The following SPATS2L variants were observed in gnomAD, a reference collection of about 807,000 sequenced individuals.
SPATS2L encodes the protein SPATS2-like protein.
Under a neutral mutation model 59.6 loss-of-function variants are expected in SPATS2L, and 30 were observed. The ratio of observed to expected loss-of-function variants is 0.50; its 90% confidence interval spans 0.38 to 0.68. The LOEUF is 0.68. Ranked by LOEUF, SPATS2L falls within the 30% of genes least tolerant of loss-of-function variation. SPATS2L has a pLI of 0.00. For missense variants in SPATS2L, 615 were observed against 700.0 expected (o/e 0.88, Z 1.37); for synonymous variants, 252 against 263.5 (o/e 0.96, Z 0.42).
At chr2:200,347,593 C>T (rs537893435) in intron 2 of SPATS2L, among the ~76,000 whole-genome samples, 4 of 152,236 alleles carry the variant, frequency 2.6e-5, no homozygotes, top group South Asian at 2.1e-4. Flanking sequence ...TACAATGTGC[C>T]GATGGATCCA....
chr2:200,314,470 C>T (rs1162125080), intron 1 of SPATS2L, among the ~76,000 whole-genome samples: 1 of 150,698 alleles, frequency 6.6e-6, no homozygotes, highest in Non-Finnish European at 1.5e-5. Flanking sequence ...CCTCATACTG[C>T]TGCCTTTCTA....
intron 1 of SPATS2L, among the ~76,000 whole-genome samples, chr2:200,328,894 CT>C (rs1474812299): frequency 1.3e-5 from 2 of 152,160 alleles, no homozygotes; most frequent in Non-Finnish European, 2.9e-5. Context: ...AGAACAATAG[CT>C]AACATTAAAT....
chr2:200,358,743 T>C (rs975693920), intron 2 of SPATS2L, among the ~76,000 whole-genome samples: 1 of 152,132 alleles, frequency 6.6e-6, no homozygotes, highest in Non-Finnish European at 1.5e-5. Context: ...ATCCCAGCAC[T>C]TTGGGAGGTC....
intron 2 of SPATS2L, among the ~76,000 whole-genome samples, chr2:200,344,922 G>A (rs953286666): frequency 5.9e-5 from 9 of 151,752 alleles, no homozygotes; most frequent in African/African-American, 2.2e-4. Flanking sequence ...GGGCTGTTTT[G>A]TTCTTGTAAA....
At chr2:200,407,773 A>C (rs1559105123) in intron 3 of SPATS2L, among the ~76,000 whole-genome samples, 1 of 152,200 alleles carries the variant, frequency 6.6e-6, no homozygotes, top group African/African-American at 2.4e-5. Context: ...TAATGACATC[A>C]ATCAAGTGAG....
In SPATS2L at chr2:200,314,762, G is replaced by T. The variant is rs1473497771; in HGVS notation, c.-73+7840G>T. Among the ~76,000 whole-genome samples the T allele has an allele frequency of 2.6e-5, 4 of 152,212 alleles. No individual in the cohort carries two copies. The East Asian group carries it at 7.7e-4, about 29-fold the overall frequency. ...CTGTAGCCACTAGCTACATGTGGCT[G>T]TTGGGCACTGGAAATACAGCTAGTC... is the stretch of plus-strand genomic sequence containing the variant. On this transcript the variant is annotated intron_variant, in intron 1 of 12. Coordinates refer to ENST00000409140, the MANE Select transcript of SPATS2L (RefSeq NM_001100423.2).
intron 11 of SPATS2L, 72 bp from the exon 12 acceptor site, chr2:200,472,760 G>T (rs1224435633): frequency 7.6e-7 from 1 of 1,319,144 alleles, no homozygotes; most frequent in Non-Finnish European, 1.1e-6. Flanking sequence ...ATCTTCTAGC[G>T]CTTCCTAATG....
rs2086662482 is a variant in SPATS2L, at chr2:200,467,192, G to A, written c.848-98G>A. The A allele has an allele frequency of 1.1e-5, 9 of 832,568 alleles. No homozygotes were observed. In the South Asian group the frequency reaches 1.3e-4, roughly 12 times the overall value. The allele number at this position is 832,568 out of a possible 1,614,324, so 51.6% of individuals were successfully genotyped here. On this transcript the variant is annotated intron_variant, in intron 9 of 12. Coordinates refer to ENST00000409140, the MANE Select transcript of SPATS2L (RefSeq NM_001100423.2). The stretch of plus-strand genomic sequence containing the variant: ...GAAAACACAGTCGTGGTCCAACAAA[G>A]CAATCAGTCTGTGGAGTGAGAACTG...
At chr2:200,357,537 T>C (rs745434311) in intron 2 of SPATS2L, among the ~76,000 whole-genome samples, 2 of 152,210 alleles carry the variant, frequency 1.3e-5, no homozygotes, top group African/African-American at 2.4e-5. Flanking sequence ...ATACAACTTA[T>C]CTGATTTTTT....
chr2:200,377,167 A>G (rs540693696), intron 2 of SPATS2L, among the ~76,000 whole-genome samples: 195 of 152,284 alleles, frequency 1.3e-3, no homozygotes, highest in Non-Finnish European at 2.1e-3. Flanking sequence ...CGTAGTTACT[A>G]TTATTATCCC....
intron 6 of SPATS2L, among the ~76,000 whole-genome samples, chr2:200,425,130 C>CCG (rs2083489735): frequency 6.1e-4 from 1 of 1,650 alleles, no homozygotes; most frequent in Non-Finnish European, 1.5e-3. Context: ...TTCCCCCCGC[C>CCG]CCCCCCCCCC....
chr2:200,437,870 G>A (rs2084407141), intron 6 of SPATS2L, among the ~76,000 whole-genome samples: 1 of 152,112 alleles, frequency 6.6e-6, no homozygotes, highest in African/African-American at 2.4e-5. Context: ...GACTGTGTCA[G>A]GTAAGATATT....
At chr2:200,318,352 A>G (rs1028689015) in intron 1 of SPATS2L, among the ~76,000 whole-genome samples, 2 of 152,204 alleles carry the variant, frequency 1.3e-5, no homozygotes, top group African/African-American at 4.8e-5. Flanking sequence ...GATGCAATTG[A>G]TCACACCACT....
At chr2:200,386,730 A>G (rs1027697902) in intron 2 of SPATS2L, among the ~76,000 whole-genome samples, 11 of 152,350 alleles carry the variant, frequency 7.2e-5, no homozygotes, top group African/African-American at 2.6e-4. Context: ...GTCTAATGAA[A>G]GTCATTGTGG....
At position 200,426,369 on chromosome 2, in the gene SPATS2L, A is replaced by C. The variant is rs142197802; in HGVS notation, c.445+6873A>C. On this transcript the variant is annotated intron_variant, in intron 6 of 12. Coordinates refer to ENST00000409140, the MANE Select transcript of SPATS2L (RefSeq NM_001100423.2). ...CCTTTACTATTTTTTGTTATTAAAG[A>C]TCTAATACTCTATTAACATATATAT... 4.7e-3 allele frequency among the ~76,000 whole-genome samples: 718 copies of C among 152,180 alleles called. 6 individuals carry two copies. Among genetic ancestry groups the C allele is most frequent in the African/African-American group, 0.016 (681 of 41,528 alleles).
chr2:200,364,755 G>A (rs1340534599), intron 2 of SPATS2L, among the ~76,000 whole-genome samples: 1 of 152,094 alleles, frequency 6.6e-6, no homozygotes, highest in African/African-American at 2.4e-5. Context: ...GGCTTGTTGG[G>A]GTCTGTAGAG....
intron 3 of SPATS2L, among the ~76,000 whole-genome samples, chr2:200,408,501 G>A (rs1472596329): frequency 6.6e-6 from 1 of 152,146 alleles, no homozygotes; most frequent in African/African-American, 2.4e-5. Flanking sequence ...CAGCTGTGTG[G>A]GTGGATTGAA....
intron 2 of SPATS2L, among the ~76,000 whole-genome samples, chr2:200,344,047 T>TA (rs890104002): frequency 5.9e-5 from 9 of 151,696 alleles, no homozygotes; most frequent in Admixed American, 2.6e-4. Context: ...TTATTTTTTT[T>TA]AAAAAAAATT....
In SPATS2L at chr2:200,378,875, C is replaced by T. The variant is rs75917782; in HGVS notation, c.-22-10348C>T. ...AACCACAATCCATGTTTTCTTTGGA[C>T]GTGAATATGCAGTGTTGTCCTTATA... On this transcript the variant is annotated intron_variant, in intron 2 of 12. Coordinates refer to ENST00000409140, the MANE Select transcript of SPATS2L (RefSeq NM_001100423.2). Among the ~76,000 whole-genome samples the T allele has an allele frequency of 8.2e-3, 1,242 of 152,236 alleles. 14 individuals are homozygous for T. Among genetic ancestry groups the T allele is most frequent in the Middle Eastern group, 0.031 (9 of 294 alleles).
Sources: allele counts gnomAD v4.1 joint callset (sites outside exome capture counted in the v4.1 genomes callset), GRCh38; gene constraint gnomAD v4.1.1; transcripts MANE v1.5; gene names NCBI Gene and HGNC (gene_info 2026-07-23, HGNC 2026-07-21).